TAFA1: variants seen among roughly 807,000 people sequenced by gnomAD.
TAFA1 encodes the protein chemokine-like protein TAFA-1.
In TAFA1, 4 loss-of-function variants were observed where a neutral mutation model predicts 18.5. The observed-to-expected ratio is 0.22, with a 90% CI of 0.11 to 0.49. The LOEUF (loss-of-function observed/expected upper bound fraction) is 0.49, where lower values mean the gene tolerates loss of function less well. TAFA1 is among the 20% of genes least tolerant of loss of function. The probability of loss-of-function intolerance (pLI) is 0.98; values close to 1 mark genes in which losing one functional copy is unlikely to be tolerated. For missense variants in TAFA1, 147 were observed against 169.0 expected, an observed-to-expected ratio of 0.87 and a Z score of 0.72; for synonymous variants, 56 against 55.2, an observed-to-expected ratio of 1.01 and a Z score of -0.06.
intron 3 of TAFA1, among the ~76,000 whole-genome samples, chr3:68,532,445 G>A (rs557008233): frequency 3.9e-4 from 60 of 152,266 alleles, no homozygotes; most frequent in African/African-American, 1.3e-3. Flanking sequence ...GGGGGATGGA[G>A]GGTGGGCAGT....
At chr3:68,264,583 G>A (rs1269405348) in intron 2 of TAFA1, among the ~76,000 whole-genome samples, 1 of 152,094 alleles carries the variant, frequency 6.6e-6, no homozygotes, top group African/African-American at 2.4e-5. Flanking sequence ...ATGTTTCAAT[G>A]TTATCATTTT....
At chr3:68,160,974 G>A (rs1298112475) in intron 2 of TAFA1, among the ~76,000 whole-genome samples, 3 of 152,122 alleles carry the variant, frequency 2.0e-5, no homozygotes, top group African/African-American at 7.2e-5. Flanking sequence ...AATACCCAGG[G>A]CGTTAAGTGT....
At chr3:68,444,528 G>A (rs1183007952) in intron 3 of TAFA1, among the ~76,000 whole-genome samples, 1 of 152,032 alleles carries the variant, frequency 6.6e-6, no homozygotes, top group Non-Finnish European at 1.5e-5. Flanking sequence ...TACAAATCTT[G>A]GGTGAATAGT....
chr3:68,192,784 G>A (rs1301678229), intron 2 of TAFA1, among the ~76,000 whole-genome samples: 1 of 151,698 alleles, frequency 6.6e-6, no homozygotes, highest in Non-Finnish European at 1.5e-5. Flanking sequence ...TATAGCAAGG[G>A]GTGTTATCTA....
intron 3 of TAFA1, among the ~76,000 whole-genome samples, chr3:68,466,906 C>T (rs1023523117): frequency 1.3e-5 from 2 of 152,080 alleles, no homozygotes; most frequent in African/African-American, 2.4e-5. Flanking sequence ...CGGCAGGTTC[C>T]GTGATGCCCC....
At chr3:68,211,305 T>TA (rs1192930295) in intron 2 of TAFA1, among the ~76,000 whole-genome samples, 1 of 152,108 alleles carries the variant, frequency 6.6e-6, no homozygotes, top group African/African-American at 2.4e-5. Flanking sequence ...AATTTATACT[T>TA]ACAAAGTGTA....
intron 2 of TAFA1, among the ~76,000 whole-genome samples, chr3:68,271,746 C>T (rs1403769045): frequency 6.6e-6 from 1 of 151,754 alleles, no homozygotes; most frequent in Non-Finnish European, 1.5e-5. Flanking sequence ...TGGAAAACAT[C>T]CACCTGTATT....
intron 2 of TAFA1, among the ~76,000 whole-genome samples, chr3:68,270,227 A>G (rs139007571): frequency 6.6e-6 from 1 of 152,042 alleles, no homozygotes; most frequent in Non-Finnish European, 1.5e-5. Flanking sequence ...TAATCCCTCT[A>G]AGCCCCTGTT....
At chr3:68,129,725 T>C (rs982987478) in intron 2 of TAFA1, among the ~76,000 whole-genome samples, 1 of 152,224 alleles carries the variant, frequency 6.6e-6, no homozygotes, top group Non-Finnish European at 1.5e-5. Context: ...AAAGATCTCC[T>C]GGTGTGTCTC....
chr3:68,383,458 G>A (rs1037696713), intron 2 of TAFA1, among the ~76,000 whole-genome samples: 2 of 152,032 alleles, frequency 1.3e-5, no homozygotes, highest in Non-Finnish European at 2.9e-5. Context: ...TTTGTCTTTT[G>A]TTTTGTTTAT....
At chr3:67,992,877 C>G in the TAFA1 span, among the ~76,000 whole-genome samples, 6 of 152,162 alleles carry the variant, frequency 3.9e-5, no homozygotes, top group Non-Finnish European at 8.8e-5. Flanking sequence ...GAAGTAAATC[C>G]CCTCCTCCCC....
At chr3:68,323,767 G>A (rs2068729584) in intron 2 of TAFA1, among the ~76,000 whole-genome samples, 1 of 152,144 alleles carries the variant, frequency 6.6e-6, no homozygotes, top group Non-Finnish European at 1.5e-5. Context: ...GTTACCAAAT[G>A]CTAGCAATGG....
chr3:68,291,257 G>A (rs774995133), intron 2 of TAFA1, among the ~76,000 whole-genome samples: 3 of 152,002 alleles, frequency 2.0e-5, no homozygotes, highest in Admixed American at 6.6e-5. Flanking sequence ...CTAGAGTCTC[G>A]GACTGTAAGA....
intron 2 of TAFA1, among the ~76,000 whole-genome samples, chr3:68,332,588 A>G (rs1197028030): frequency 6.6e-6 from 1 of 152,222 alleles, no homozygotes; most frequent in Non-Finnish European, 1.5e-5. Context: ...TTAAATAAAA[A>G]TTGGGCAAAG....
chr3:68,194,552 T>C (rs1333348835), intron 2 of TAFA1, among the ~76,000 whole-genome samples: 2 of 151,762 alleles, frequency 1.3e-5, no homozygotes, highest in East Asian at 1.9e-4. Flanking sequence ...CTAAATAATA[T>C]GGAAGCAATA....
chr3:68,042,643 C>T (rs1705189309), intron 2 of TAFA1, among the ~76,000 whole-genome samples: 1 of 152,170 alleles, frequency 6.6e-6, no homozygotes, highest in Non-Finnish European at 1.5e-5. Context: ...AAGCAAAACT[C>T]CATCTCAAAC....
At chr3:68,350,883 A>G (rs923608718) in intron 2 of TAFA1, among the ~76,000 whole-genome samples, 1 of 152,128 alleles carries the variant, frequency 6.6e-6, no homozygotes, top group African/African-American at 2.4e-5. Flanking sequence ...TAAAAGACCA[A>G]GACCCTTGTA....
intron 2 of TAFA1, among the ~76,000 whole-genome samples, chr3:68,337,000 G>A (rs1019139310): frequency 6.6e-6 from 1 of 152,210 alleles, no homozygotes; most frequent in Non-Finnish European, 1.5e-5. Flanking sequence ...TGGGATTACA[G>A]GCGTGAGCCA....
At chr3:68,114,256 T>C (rs1442097247) in intron 2 of TAFA1, among the ~76,000 whole-genome samples, 1 of 151,996 alleles carries the variant, frequency 6.6e-6, no homozygotes, top group African/African-American at 2.4e-5. Context: ...AGTGAGGCCG[T>C]CCTAGACCAT....
Sources: gnomAD v4.1 joint callset for allele counts (sites outside exome capture counted in the v4.1 genomes callset) on GRCh38, gnomAD v4.1.1 for gene constraint, MANE v1.5 for transcripts, NCBI Gene and HGNC (gene_info 2026-07-23, HGNC 2026-07-21) for gene names.